PHF14: variants seen among roughly 807,000 people sequenced by gnomAD.
The protein encoded by PHF14 is PHD finger protein 14.
A neutral mutation model predicts 117.9 loss-of-function variants in PHF14; 55 were observed. The ratio of observed to expected loss-of-function variants is 0.47; its 90% CI spans 0.38 to 0.58. The LOEUF is 0.58. Among genes scored for constraint, PHF14 ranks in the 20% least tolerant of loss-of-function variants. The pLI is 0.00. For missense variants in PHF14, 978 were observed against 1,122.2 expected, an observed-to-expected ratio of 0.87 and a Z score of 1.84; for synonymous variants, 409 against 368.6, an observed-to-expected ratio of 1.11 and a Z score of -1.26.
chr7:11,102,939 T>C, intron 16 of PHF14: 1 of 1,045,510 alleles, frequency 9.6e-7, no homozygotes, highest in Non-Finnish European at 1.2e-6. Flanking sequence ...TGGGACTTAA[T>C]AAATACAATA....
At position 10,982,851 on chromosome 7, in the gene PHF14, G is replaced by A; in HGVS notation, c.592G>A (p.Glu198Lys). Residue 198 changes from glutamate (E) to lysine (K), a missense_variant, in exon 3 of 18, where the codon GAA (glutamate) becomes AAA (lysine). Glu to Lys is a moderately conservative substitution (Grantham distance 56, BLOSUM62 1). Around this residue, in one of 7 missense-constraint regions of PHF14, gnomAD observed 414 missense variants for 376.4 expected, o/e 1.10. Transcript: ENST00000634607. ...ACCACTTCTGGATTTTGTGTCCATG[G>A]AAGAGCTGAATGACATGGATGACTA... is the stretch of plus-strand genomic sequence containing the variant. ...NRPLLDFVSM[E>K]ELNDMDDYDS... 6.2e-7 allele frequency: 1 copy of A among 1,613,808 alleles called. No individual in the cohort carries two copies. Among genetic ancestry groups the A allele is most frequent in the Non-Finnish European group, 8.5e-7 (1 of 1,179,778 alleles).
intron 4 of PHF14, among the ~76,000 whole-genome samples, chr7:11,007,220 G>A (rs866630737): frequency 1.3e-5 from 2 of 151,902 alleles, no homozygotes; most frequent in East Asian, 3.9e-4. Flanking sequence ...GAAAAGAAAA[G>A]CTTAGTTATT....
chr7:11,168,632 T>G (rs1332065809), intron 17 of PHF14, among the ~76,000 whole-genome samples: 1 of 152,212 alleles, frequency 6.6e-6, no homozygotes, highest in Non-Finnish European at 1.5e-5. Context: ...TTAATAAAAA[T>G]AAATAATCTT....
chr7:11,127,243 CCT>C (rs1562478543), intron 17 of PHF14, among the ~76,000 whole-genome samples: 1 of 107,744 alleles, frequency 9.3e-6, no homozygotes, highest in Non-Finnish European at 1.9e-5. Flanking sequence ...TCTTGCCCCT[CCT>C]TTTTTTTTTT....
intron 17 of PHF14, among the ~76,000 whole-genome samples, chr7:11,115,299 C>G (rs986847665): frequency 6.6e-6 from 1 of 152,010 alleles, no homozygotes; most frequent in Non-Finnish European, 1.5e-5. Flanking sequence ...TTTAACCATT[C>G]TGCTTACTAG....
At chr7:11,079,785 A>G (rs1336075900) in intron 16 of PHF14, among the ~76,000 whole-genome samples, 2 of 152,010 alleles carry the variant, frequency 1.3e-5, no homozygotes, top group Non-Finnish European at 2.9e-5. Flanking sequence ...ATCAAAAATG[A>G]TTTTGTTTGT....
chr7:11,149,526 T>C (rs1028725649), intron 17 of PHF14, among the ~76,000 whole-genome samples: 4 of 152,224 alleles, frequency 2.6e-5, no homozygotes, highest in Non-Finnish European at 5.9e-5. Flanking sequence ...TCTAGAAATC[T>C]GTTGACAATC....
At position 11,013,062 on chromosome 7, in the gene PHF14, A is replaced by G. The variant is rs115991049; in HGVS notation, c.1046-685A>G. On this transcript the variant is annotated intron_variant, in intron 4 of 17. Coordinates refer to ENST00000634607, the MANE Select transcript of PHF14 (RefSeq NM_001007157.2). ...GTTTTGCATGAGTTTGATCTTTTAT[A>G]TATATATTTTAGTACCTGCTACAAA... Among the ~76,000 whole-genome samples, 246 of 152,252 alleles carry G rather than the reference A, an allele frequency of 1.6e-3. 1 individual carries two copies. The highest frequency in any genetic ancestry group is 5.7e-3 in the African/African-American group (237 of 41,566).
chr7:11,169,324 A>G, intron 17 of PHF14, 92 bp from the exon 18 acceptor site: 1 of 596,584 alleles, frequency 1.7e-6, no homozygotes, highest in Non-Finnish European at 2.9e-6. Context: ...ACAGTAGTTC[A>G]TAGTTCTACA....
intron 3 of PHF14, among the ~76,000 whole-genome samples, chr7:10,984,529 C>G (rs1411146824): frequency 6.6e-6 from 1 of 152,106 alleles, no homozygotes; most frequent in African/African-American, 2.4e-5. Context: ...TTGAGGCATG[C>G]ATGCAGTTTA....
chr7:11,007,692 G>A (rs369222548), intron 4 of PHF14, among the ~76,000 whole-genome samples: 3 of 152,236 alleles, frequency 2.0e-5, no homozygotes, highest in African/African-American at 7.2e-5. Context: ...TAAATAAAAT[G>A]TGGAAAATAT....
intron 16 of PHF14, among the ~76,000 whole-genome samples, chr7:11,088,092 A>G (rs1385731504): frequency 6.6e-6 from 1 of 152,186 alleles, no homozygotes. Context: ...GCTCTCGGAT[A>G]TCAAAATCTG....
intron 16 of PHF14, among the ~76,000 whole-genome samples, chr7:11,079,273 C>G (rs550759425): frequency 2.0e-5 from 3 of 152,222 alleles, no homozygotes; most frequent in South Asian, 4.1e-4. Flanking sequence ...TGAGATGGCT[C>G]GGTAGCTGGC....
At chr7:10,995,388 C>A (rs529126573) in intron 4 of PHF14, among the ~76,000 whole-genome samples, 8 of 152,102 alleles carry the variant, frequency 5.3e-5, no homozygotes, top group Non-Finnish European at 8.8e-5. Flanking sequence ...ATTTACAAAC[C>A]TTGAGCTAGA....
intron 14 of PHF14, among the ~76,000 whole-genome samples, chr7:11,059,773 T>C (rs993656574): frequency 6.6e-6 from 1 of 151,930 alleles, no homozygotes; most frequent in Admixed American, 6.6e-5. Flanking sequence ...AGAGTCTGTC[T>C]AAAAAAAGAA....
intron 16 of PHF14, among the ~76,000 whole-genome samples, chr7:11,087,493 A>G (rs764637300): frequency 6.6e-6 from 1 of 152,036 alleles, no homozygotes; most frequent in Non-Finnish European, 1.5e-5. Context: ...CCTGGCCAGC[A>G]CTGTTCTTCT....
At chr7:11,014,408 A>T (rs1783454180) in intron 5 of PHF14, among the ~76,000 whole-genome samples, 1 of 152,214 alleles carries the variant, frequency 6.6e-6, no homozygotes, top group Non-Finnish European at 1.5e-5. Flanking sequence ...GAGGGAGATT[A>T]TCCAAGGAAT....
At chr7:11,153,239 A>G (rs571732797) in intron 17 of PHF14, among the ~76,000 whole-genome samples, 5 of 152,206 alleles carry the variant, frequency 3.3e-5, no homozygotes, top group Non-Finnish European at 7.3e-5. Flanking sequence ...TGGAGATAGA[A>G]AGCACTAGAC....
chr7:11,001,312 T>A (rs1782864394), intron 4 of PHF14, among the ~76,000 whole-genome samples: 1 of 152,188 alleles, frequency 6.6e-6, no homozygotes, highest in Non-Finnish European at 1.5e-5. Flanking sequence ...ATAGTAAGTC[T>A]TGAAGTTGAG....
Sources: allele counts gnomAD v4.1 joint callset (sites outside exome capture counted in the v4.1 genomes callset), GRCh38; gene constraint gnomAD v4.1.1; regional missense constraint gnomAD v4.1.1; transcripts MANE v1.5; gene names NCBI Gene and HGNC (gene_info 2026-07-23, HGNC 2026-07-21).